CAB39: variants seen among roughly 807,000 people sequenced by gnomAD.
CAB39 encodes the protein calcium binding protein 39.
CAB39 carries 8 observed loss-of-function variants against 40.0 expected under a neutral mutation model. The ratio of observed to expected loss-of-function variants is 0.20; its 90% confidence interval spans 0.12 to 0.36. The LOEUF (loss-of-function observed/expected upper bound fraction) is 0.36. CAB39 is among the 10% of genes least tolerant of loss of function. CAB39 has a pLI of 1.00. For synonymous variants in CAB39, 156 were observed against 141.6 expected, an observed-to-expected ratio of 1.10 and a Z score of -0.72; for missense variants, 270 against 401.1, an observed-to-expected ratio of 0.67 and a Z score of 2.79.
intron 1 of CAB39, among the ~76,000 whole-genome samples, chr2:230,748,717 G>T (rs549226215): frequency 6.7e-6 from 1 of 149,562 alleles, no homozygotes; most frequent in East Asian, 2.0e-4. Flanking sequence ...TGAGGCACAA[G>T]AATGGTTTGA....
intron 8 of CAB39, 187 bp downstream of exon 8, chr2:230,818,084 G>A: frequency 1.7e-6 from 1 of 574,394 alleles, no homozygotes; most frequent in East Asian, 3.1e-5. Context: ...TTACTGTTTG[G>A]ATCTGGGAAC....
intron 1 of CAB39, among the ~76,000 whole-genome samples, chr2:230,721,750 G>T (rs953621232): frequency 6.6e-6 from 1 of 152,184 alleles, no homozygotes; most frequent in Admixed American, 6.5e-5. Flanking sequence ...GATGGTGATT[G>T]TGTTACTGTT....
At chr2:230,805,303 G>T (rs1258228450) in intron 5 of CAB39, among the ~76,000 whole-genome samples, 1 of 152,030 alleles carries the variant, frequency 6.6e-6, no homozygotes, top group Admixed American at 6.6e-5. Context: ...TAATGTAAAT[G>T]ATGGGTTAAT....
Position 230,754,438 on chromosome 2 carries a change from C to T in CAB39, c.-43-5521C>T, listed in dbSNP as rs139244349. 1.8e-3 allele frequency among the ~76,000 whole-genome samples: 235 copies of T among 127,718 alleles called. 1 individual carries two copies. Among genetic ancestry groups the T allele is most frequent in the Non-Finnish European group, 2.5e-3 (149 of 59,190 alleles). 83.8% of individuals were successfully genotyped at this position (127,718 alleles called of 152,430 possible). A position where few individuals can be genotyped will look rare whatever the true frequency, so the allele number is the denominator to read the frequency against. On this transcript the variant is annotated intron_variant, in intron 1 of 8. Transcript: ENST00000258418. ...TCCCCTTTCCCTCCTTCTTCCCCTTCCCCTCCTTCTTCCCCTTTCCCTCCT... is the reference window on the plus strand; with the variant it reads ...TCCCCTTTCCCTCCTTCTTCCCCTTTCCCTCCTTCTTCCCCTTTCCCTCCT...
At chr2:230,713,368 G>C (rs984425657) in intron 1 of CAB39, 138 bp downstream of exon 1, 1 of 152,312 alleles carries the variant, frequency 6.6e-6, no homozygotes, top group African/African-American at 2.4e-5. Flanking sequence ...TGTCCCCGGA[G>C]CCCCCGGGAG....
At chr2:230,808,255 T>A (rs1466193251) in intron 5 of CAB39, among the ~76,000 whole-genome samples, 1 of 151,842 alleles carries the variant, frequency 6.6e-6, no homozygotes, top group East Asian at 1.9e-4. Flanking sequence ...CCCAGCTAGG[T>A]TTTTGTATTT....
chr2:230,803,521 C>CA (rs1696130858), intron 5 of CAB39, among the ~76,000 whole-genome samples: 1 of 152,144 alleles, frequency 6.6e-6, no homozygotes, highest in Non-Finnish European at 1.5e-5. Flanking sequence ...CATCTCAGCC[C>CA]AAAATCTCCT....
intron 1 of CAB39, among the ~76,000 whole-genome samples, chr2:230,723,180 CGTTTCTGCAG>C (rs1482290763): frequency 3.3e-5 from 5 of 152,194 alleles, no homozygotes; most frequent in African/African-American, 1.2e-4. Flanking sequence ...GTTTTATCCA[CGTTTCTGCAG>C]GTTTGGTGAG....
Position 230,798,845 on chromosome 2 carries a change from A to G in CAB39, c.515A>G (p.Tyr172Cys). Residue 172 changes from tyrosine (Y) to cysteine (C), a missense_variant, in exon 5 of 9, where the codon TAT becomes TGT. Transcript: ENST00000258418. ...GAACAGTTTTATGATTTCTTCAGAT[A>G]TGTCGAAATGTCAACATTTGACATA... Reference protein sequence around the residue: ...WSEQFYDFFRYVEMSTFDIAS... With the variant: ...WSEQFYDFFRCVEMSTFDIAS... The G allele has an allele frequency of 6.2e-7, 1 of 1,608,770 alleles. No individual in the cohort carries two copies. The highest frequency in any genetic ancestry group is 1.1e-5 in the South Asian group (1 of 90,492).
At chr2:230,764,072 A>G (rs1448383679) in intron 2 of CAB39, among the ~76,000 whole-genome samples, 4 of 152,142 alleles carry the variant, frequency 2.6e-5, no homozygotes, top group Admixed American at 2.6e-4. Flanking sequence ...CAGGGAGCCA[A>G]GATCGTGCCT....
At chr2:230,729,974 A>AT (rs1249867065) in intron 1 of CAB39, among the ~76,000 whole-genome samples, 1 of 152,212 alleles carries the variant, frequency 6.6e-6, no homozygotes, top group Non-Finnish European at 1.5e-5. Context: ...TCCAGGTTGA[A>AT]TCAGTGTAGT....
chr2:230,759,952 GT>G lies in CAB39; in HGVS notation c.-43-5del, dbSNP rs763285352. 1.0e-6 allele frequency: 1 copy of G among 982,858 alleles called. No homozygotes were observed. The allele number at this position is 982,858 out of a possible 1,614,324, so 60.9% of individuals were successfully genotyped here. A position where few individuals can be genotyped will look rare whatever the true frequency, so the allele number is the denominator to read the frequency against. On this transcript the variant is annotated splice_polypyrimidine_tract_variant and splice_region_variant and intron_variant, in intron 1 of 8. Coordinates refer to ENST00000258418, the MANE Select transcript of CAB39 (RefSeq NM_016289.4). ...TTTGCTCACATGAACCTTGTGCTGT[GT>G]TCTAGGTAGCACAGGCGGAGTGCAG...
chr2:230,798,280 A>G (rs897591346), intron 4 of CAB39, among the ~76,000 whole-genome samples: 2 of 152,184 alleles, frequency 1.3e-5, no homozygotes, highest in African/African-American at 2.4e-5. Flanking sequence ...AACAAGGTAT[A>G]AATTCTATAT....
intron 5 of CAB39, among the ~76,000 whole-genome samples, chr2:230,801,868 A>T (rs1328648886): frequency 3.1e-5 from 3 of 95,880 alleles, no homozygotes; most frequent in South Asian, 2.6e-4. Flanking sequence ...GACTCTGTTT[A>T]AAAAAAAAAA....
intron 1 of CAB39, among the ~76,000 whole-genome samples, chr2:230,726,887 T>C (rs530608920): frequency 6.7e-4 from 100 of 148,260 alleles, no homozygotes; most frequent in African/African-American, 2.4e-3. Context: ...TTTTTAAATA[T>C]AGTGAAAGGA....
At chr2:230,772,498 T>TC (rs1274736297) in intron 2 of CAB39, among the ~76,000 whole-genome samples, 5 of 151,790 alleles carry the variant, frequency 3.3e-5, no homozygotes, top group Non-Finnish European at 7.4e-5. Flanking sequence ...TTTTTTTTTT[T>TC]TTTTGAGACG....
intron 1 of CAB39, among the ~76,000 whole-genome samples, chr2:230,719,970 T>G (rs766111122): frequency 6.6e-6 from 1 of 152,206 alleles, no homozygotes; most frequent in Non-Finnish European, 1.5e-5. Flanking sequence ...AGTTCTCTGC[T>G]TAGGGTAATG....
At chr2:230,722,103 C>G (rs1694464719) in intron 1 of CAB39, among the ~76,000 whole-genome samples, 1 of 151,150 alleles carries the variant, frequency 6.6e-6, no homozygotes, top group Admixed American at 6.6e-5. Flanking sequence ...GACCAGTGAC[C>G]CAACACATAC....
Position 230,789,932 on chromosome 2 carries a change from C to G in CAB39, c.115-940C>G, listed in dbSNP as rs188504631. Among the ~76,000 whole-genome samples the G allele has an allele frequency of 1.9e-3, 294 of 152,284 alleles. No individual in the cohort carries two copies. The Middle Eastern group carries it at 0.02, about 11-fold the overall frequency. ...ACTGTCCTGTACTGCCTGAAGTCCA[C>G]TGTTTCAAAGTCATTGTTTTGGCCA... On this transcript the variant is annotated intron_variant, in intron 2 of 8. Transcript: ENST00000258418.
Sources: allele counts gnomAD v4.1 joint callset (sites outside exome capture counted in the v4.1 genomes callset), GRCh38; gene constraint gnomAD v4.1.1; transcripts MANE v1.5; gene names NCBI Gene and HGNC (gene_info 2026-07-23, HGNC 2026-07-21).